Variants in RPTOR observed in about 807,000 individuals in gnomAD.
RPTOR encodes regulatory associated protein of MTOR complex 1.
RPTOR carries 21 observed loss-of-function variants against 169.9 expected under a neutral mutation model. The ratio of observed to expected loss-of-function variants is 0.12; its 90% CI spans 0.09 to 0.18. The LOEUF (loss-of-function observed/expected upper bound fraction) is 0.18. RPTOR is among the 10% of genes least tolerant of loss of function. The probability of loss-of-function intolerance (pLI) is 1.00; values close to 1 mark genes in which losing one functional copy is unlikely to be tolerated. For synonymous variants in RPTOR, 732 were observed against 753.2 expected (o/e 0.97, Z 0.46); for missense variants, 1,133 against 1,855.9 (o/e 0.61, Z 7.16).
chr17:80,706,076 T>C (rs1348053339), intron 3 of RPTOR, among the ~76,000 whole-genome samples: 1 of 152,196 alleles, frequency 6.6e-6, no homozygotes, highest in Non-Finnish European at 1.5e-5. Flanking sequence ...TAAAAGAAAG[T>C]TTTAAAAGTT....
chr17:80,699,203 C>A (rs1345967216), intron 3 of RPTOR, among the ~76,000 whole-genome samples: 1 of 152,220 alleles, frequency 6.6e-6, no homozygotes, highest in Non-Finnish European at 1.5e-5. Context: ...GTGTAAACTC[C>A]AATAGGAAGT....
chr17:80,937,969 G>A (rs931036175), intron 24 of RPTOR, among the ~76,000 whole-genome samples: 8 of 152,190 alleles, frequency 5.3e-5, no homozygotes, highest in Non-Finnish European at 1.0e-4. Context: ...CCGGAACCGC[G>A]TCCCGTTCAG....
At chr17:80,896,275 C>A (rs2143888401) in intron 20 of RPTOR, among the ~76,000 whole-genome samples, 1 of 152,098 alleles carries the variant, frequency 6.6e-6, no homozygotes, top group East Asian at 1.9e-4. Context: ...TCAGCGTCTC[C>A]CTGGCCATCA....
At chr17:80,789,103 C>A (rs1342903803) in intron 6 of RPTOR, among the ~76,000 whole-genome samples, 1 of 152,158 alleles carries the variant, frequency 6.6e-6, no homozygotes, top group African/African-American at 2.4e-5. Flanking sequence ...TATATTTTCA[C>A]TGAATTTATA....
Position 80,960,281 on chromosome 17 carries a change from TTTGG to T in RPTOR, c.3605+81_3605+84del, listed in dbSNP as rs1157923366. The T allele has an allele frequency of 3.8e-6, 6 of 1,573,580 alleles. No homozygotes were observed. The Admixed American group carries it at 8.5e-5, about 22-fold the overall frequency. ...AGGTGGTAGGGCCGTGTCACTGCCA[TTTGG>T]TTGGGTCCAGGTTTCTCAGTGAGAT... is the stretch of plus-strand genomic sequence containing the variant. On this transcript the variant is annotated intron_variant, in intron 30 of 33. Transcript: ENST00000306801. The surrounding 1 kb of genome is among the most constrained non-coding windows in gnomAD (Gnocchi z 4.8).
At chr17:80,555,815 AGTT>A (rs914925080) in intron 1 of RPTOR, among the ~76,000 whole-genome samples, 2 of 151,920 alleles carry the variant, frequency 1.3e-5, no homozygotes, top group South Asian at 2.1e-4. Context: ...CCAGCTGGGG[AGTT>A]GTTGTGCATA....
chr17:80,915,035 C>T (rs909799054), intron 21 of RPTOR, among the ~76,000 whole-genome samples: 3 of 152,256 alleles, frequency 2.0e-5, no homozygotes, highest in African/African-American at 7.2e-5. Flanking sequence ...CTCAAGGAAA[C>T]GATGGCATAA....
chr17:80,574,115 A>G (rs2064935720), intron 1 of RPTOR, among the ~76,000 whole-genome samples: 2 of 150,702 alleles, frequency 1.3e-5, no homozygotes, highest in Admixed American at 1.3e-4. Context: ...AAATTTTTAA[A>G]GTTCTGATTT....
chr17:80,698,733 G>A (rs2066058407), intron 3 of RPTOR, among the ~76,000 whole-genome samples: 1 of 152,354 alleles, frequency 6.6e-6, no homozygotes, highest in East Asian at 1.9e-4. Context: ...TACCATTCAT[G>A]CAGGTATAAT....
At chr17:80,789,949 G>A (rs1381991842) in intron 6 of RPTOR, among the ~76,000 whole-genome samples, 1 of 152,184 alleles carries the variant, frequency 6.6e-6, no homozygotes, top group Non-Finnish European at 1.5e-5. Context: ...AGTACATTAT[G>A]GATAAAAAGA....
chr17:80,676,617 C>T (rs1328843208), intron 3 of RPTOR, among the ~76,000 whole-genome samples: 4 of 152,158 alleles, frequency 2.6e-5, no homozygotes, highest in African/African-American at 7.2e-5. Flanking sequence ...TCTGCAGGGT[C>T]GGAATACTGC....
intron 20 of RPTOR, among the ~76,000 whole-genome samples, chr17:80,903,497 G>A (rs949109715): frequency 7.9e-5 from 12 of 152,178 alleles, no homozygotes; most frequent in South Asian, 2.1e-4. Flanking sequence ...GCTGCACTGC[G>A]GCATCATTGG....
chr17:80,941,886 C>A (rs369479315), intron 25 of RPTOR: 1 of 152,270 alleles, frequency 6.6e-6, no homozygotes, highest in Non-Finnish European at 1.5e-5. Flanking sequence ...GTACCAGCAA[C>A]GTTTCTGAAG....
intron 3 of RPTOR, among the ~76,000 whole-genome samples, chr17:80,687,509 G>T (rs565713548): frequency 1.3e-5 from 2 of 150,920 alleles, no homozygotes; most frequent in East Asian, 1.9e-4. Context: ...TTGATGAAAG[G>T]CAGGGACTCA....
chr17:80,722,902 T>A (rs988398001), intron 4 of RPTOR, among the ~76,000 whole-genome samples: 1 of 151,316 alleles, frequency 6.6e-6, no homozygotes, highest in African/African-American at 2.5e-5. Flanking sequence ...CCCACCCACA[T>A]TGGCTGCCTT....
chr17:80,765,687 C>T (rs1215572334), intron 6 of RPTOR, among the ~76,000 whole-genome samples: 1 of 152,296 alleles, frequency 6.6e-6, no homozygotes, highest in Admixed American at 6.5e-5. Flanking sequence ...TCCTGCCCAG[C>T]GTCTCTCATT....
intron 13 of RPTOR, among the ~76,000 whole-genome samples, chr17:80,866,250 A>T (rs2067989378): frequency 6.6e-6 from 1 of 151,504 alleles, no homozygotes; most frequent in Admixed American, 6.6e-5. Flanking sequence ...AAACATGTAT[A>T]TTAAGATATA....
At chr17:80,836,073 C>T (rs547112016) in intron 9 of RPTOR, among the ~76,000 whole-genome samples, 2 of 152,236 alleles carry the variant, frequency 1.3e-5, no homozygotes, top group African/African-American at 4.8e-5. Flanking sequence ...GAGAGAGCCA[C>T]GCGCCCAGAG....
At chr17:80,791,359 A>G in intron 6 of RPTOR, 91 bp from the exon 7 acceptor site, 1 of 1,114,784 alleles carries the variant, frequency 9.0e-7, no homozygotes, top group Non-Finnish European at 1.3e-6. Context: ...CCCTGTCCCC[A>G]CCTTTAACTC....
Sources: allele counts gnomAD v4.1 joint callset (sites outside exome capture counted in the v4.1 genomes callset), GRCh38; gene constraint gnomAD v4.1.1; non-coding constraint Gnocchi (gnomAD v3.1); transcripts MANE v1.5; gene names NCBI Gene and HGNC (gene_info 2026-07-23, HGNC 2026-07-21).